OCA2: variants seen among roughly 807,000 people sequenced by gnomAD.
OCA2 encodes OCA2 melanosomal transmembrane protein.
In OCA2, 77 loss-of-function variants were observed where a neutral mutation model predicts 100.2. The observed-to-expected ratio is 0.77, with a 90% confidence interval of 0.64 to 0.93. The LOEUF (loss-of-function observed/expected upper bound fraction) is 0.93. Among genes scored for constraint, OCA2 ranks in the 40% least tolerant of loss-of-function variants. The pLI is 0.00. For synonymous variants in OCA2, 432 were observed against 439.2 expected (o/e 0.98, Z 0.21); for missense variants, 1,062 against 1,089.1 (o/e 0.98, Z 0.35).
the OCA2 span, among the ~76,000 whole-genome samples, chr15:27,745,025 T>C: frequency 6.6e-6 from 1 of 152,194 alleles, no homozygotes; most frequent in Admixed American, 6.5e-5. Context: ...TGCAGTATTT[T>C]ACCACAAAAT....
At chr15:27,865,731 C>G (rs545192917) in intron 21 of OCA2, among the ~76,000 whole-genome samples, 52 of 152,284 alleles carry the variant, frequency 3.4e-4, no homozygotes, top group African/African-American at 1.1e-3. Flanking sequence ...CTACATAAGC[C>G]AGGCCAGGGC....
rs568606658 is a variant in OCA2 at position 27,782,193 on chromosome 15, G to A, written c.2433-26721C>T. On this transcript the variant is annotated intron_variant, in intron 23 of 23. Transcript: ENST00000354638. ...AAAGAAGATTTATATTTACAATAAAGCTACATTTGTAAAGCAATTAAAGCT... is the reference window on the plus strand; with the variant it reads ...AAAGAAGATTTATATTTACAATAAAACTACATTTGTAAAGCAATTAAAGCT... Among the ~76,000 whole-genome samples the A allele has an allele frequency of 2.0e-5, 3 of 152,284 alleles. No homozygotes were observed. In the South Asian group the frequency reaches 6.2e-4, roughly 32 times the overall value.
At chr15:27,994,390 T>C (rs527237703) in intron 9 of OCA2, among the ~76,000 whole-genome samples, 3 of 152,278 alleles carry the variant, frequency 2.0e-5, no homozygotes, top group South Asian at 4.1e-4. Flanking sequence ...GCCAAAAAGG[T>C]TGGGGACCAC....
chr15:27,793,744 G>A (rs2033193302), intron 23 of OCA2, among the ~76,000 whole-genome samples: 1 of 152,222 alleles, frequency 6.6e-6, no homozygotes, highest in African/African-American at 2.4e-5. Flanking sequence ...TCTGCGGTGT[G>A]CAAGGGCCTG....
At chr15:28,044,964 G>C (rs1460976366) in intron 2 of OCA2, among the ~76,000 whole-genome samples, 1 of 151,988 alleles carries the variant, frequency 6.6e-6, no homozygotes, top group Non-Finnish European at 1.5e-5. Context: ...GTAGCATATA[G>C]TTCAATTTTT....
chr15:28,015,991 C>T (rs2042378382), intron 8 of OCA2, 113 bp downstream of exon 8: 1 of 814,984 alleles, frequency 1.2e-6, no homozygotes. Context: ...GTGTCCAAGT[C>T]ACATGCTGAC....
intron 14 of OCA2, among the ~76,000 whole-genome samples, chr15:27,980,860 C>T (rs531683798): frequency 6.6e-6 from 1 of 152,264 alleles, no homozygotes; most frequent in East Asian, 1.9e-4. Context: ...CTGTAGTATT[C>T]TACGTGTTTC....
chr15:28,057,556 A>G (rs1039422560), intron 2 of OCA2, among the ~76,000 whole-genome samples: 6 of 151,886 alleles, frequency 4.0e-5, no homozygotes, highest in African/African-American at 1.5e-4. Context: ...AGGCTCCTAC[A>G]CTCCCAGAAT....
intron 23 of OCA2, among the ~76,000 whole-genome samples, chr15:27,840,483 G>C (rs1186610682): frequency 6.6e-6 from 1 of 152,104 alleles, no homozygotes; most frequent in Non-Finnish European, 1.5e-5. Context: ...CAATATTTCT[G>C]ATCCTAATAA....
chr15:28,020,797 CTG>C (rs1356736284), intron 6 of OCA2, among the ~76,000 whole-genome samples: 6 of 152,198 alleles, frequency 3.9e-5, no homozygotes, highest in Admixed American at 1.3e-4. Context: ...GCTTCTAAAA[CTG>C]TGGGTGCCTC....
intron 15 of OCA2, among the ~76,000 whole-genome samples, chr15:27,960,990 G>C (rs570094719): frequency 2.9e-4 from 44 of 151,070 alleles, no homozygotes; most frequent in African/African-American, 1.1e-3. Flanking sequence ...CACAGCAAAA[G>C]AAACTACCAT....
chr15:27,864,206 T>C (rs1343567921), intron 21 of OCA2, among the ~76,000 whole-genome samples: 1 of 152,156 alleles, frequency 6.6e-6, no homozygotes, highest in Non-Finnish European at 1.5e-5. Flanking sequence ...TCTGTGCTCC[T>C]CCCATTTCTG....
intron 23 of OCA2, among the ~76,000 whole-genome samples, chr15:27,786,850 G>A (rs894039228): frequency 2.6e-5 from 4 of 152,084 alleles, no homozygotes; most frequent in African/African-American, 9.7e-5. Context: ...TTGAATCAAA[G>A]TGGCAAGTTT....
At chr15:27,892,965 A>G (rs1384761934) in intron 19 of OCA2, among the ~76,000 whole-genome samples, 1 of 152,238 alleles carries the variant, frequency 6.6e-6, no homozygotes, top group African/African-American at 2.4e-5. Flanking sequence ...ACTAAAAAGA[A>G]ACAAACCAAT....
chr15:28,051,299 T>G (rs1374198597), intron 2 of OCA2, among the ~76,000 whole-genome samples: 1 of 152,216 alleles, frequency 6.6e-6, no homozygotes, highest in African/African-American at 2.4e-5. Context: ...TGTTTTGTTT[T>G]GTTTTGTTTT....
At chr15:27,727,784 G>A in the OCA2 span, among the ~76,000 whole-genome samples, 1 of 152,202 alleles carries the variant, frequency 6.6e-6, no homozygotes, top group African/African-American at 2.4e-5. Context: ...CCACCACAGG[G>A]GAGAGGTAGT....
chr15:28,076,853 C>CA (rs575299612), intron 2 of OCA2, among the ~76,000 whole-genome samples: 11,539 of 59,884 alleles, frequency 0.19, 1,372 homozygotes, highest in African/African-American at 0.3. Context: ...GACTCCGTCT[C>CA]AAAAAAAAAA....
At chr15:27,727,564 G>T in the OCA2 span, among the ~76,000 whole-genome samples, 1 of 152,152 alleles carries the variant, frequency 6.6e-6, no homozygotes, top group East Asian at 1.9e-4. Context: ...GGTAACATCG[G>T]CTCAGCTCAT....
intron 19 of OCA2, among the ~76,000 whole-genome samples, chr15:27,922,852 T>C (rs928894670): frequency 6.6e-6 from 1 of 151,930 alleles, no homozygotes; most frequent in Admixed American, 6.6e-5. Context: ...CATGTGCAGG[T>C]TTATTATATA....
Sources: allele counts gnomAD v4.1 joint callset (sites outside exome capture counted in the v4.1 genomes callset), GRCh38; gene constraint gnomAD v4.1.1; transcripts MANE v1.5; gene names NCBI Gene and HGNC (gene_info 2026-07-23, HGNC 2026-07-21).